The following BLM variants were observed in gnomAD, a reference collection of about 807,000 sequenced individuals.
BLM encodes the protein BLM RecQ like helicase, also known as recQ-like DNA helicase BLM.
A neutral mutation model predicts 135.3 loss-of-function variants in BLM; 95 were observed. The observed-to-expected ratio is 0.70, with a 90% CI of 0.59 to 0.83. BLM has a LOEUF of 0.83. BLM is among the 40% of genes least tolerant of loss of function. The pLI is 0.00. For synonymous variants in BLM, 520 were observed against 589.2 expected, an observed-to-expected ratio of 0.88 and a Z score of 1.70; for missense variants, 1,518 against 1,663.9, an observed-to-expected ratio of 0.91 and a Z score of 1.53.
Position 90,785,063 on chromosome 15 carries a change from T to C in BLM, c.2805T>C (p.Ile935=). The C allele has an allele frequency of 6.2e-7, 1 of 1,614,178 alleles. No individual in the cohort carries two copies. Among genetic ancestry groups the C allele is most frequent in the East Asian group, 2.2e-5 (1 of 44,886 alleles). Residue 935 remains isoleucine, a synonymous_variant, in exon 14 of 22, where the codon ATT becomes ATC. Transcript: ENST00000355112. ...GAGATGAAGTGCAGCAGAAGTGGAT[T>C]AATCAGGATGGCTGTCAGGTAACAT... ...SARDEVQQKW[I]NQDGCQVICA...
intron 1 of BLM, among the ~76,000 whole-genome samples, chr15:90,742,197 TA>T (rs915065347): frequency 4.6e-5 from 7 of 152,132 alleles, no homozygotes; most frequent in Admixed American, 2.6e-4. Context: ...TACCTCAACT[TA>T]AAAAAATACA....
At chr15:90,766,753 T>A (rs1011378822) in intron 9 of BLM, among the ~76,000 whole-genome samples, 157 bp from the exon 10 acceptor site, 4 of 152,232 alleles carry the variant, frequency 2.6e-5, no homozygotes, top group Admixed American at 6.5e-5. Flanking sequence ...AAGGGTTTTT[T>A]AAAATGTATG....
chr15:90,783,782 T>A (rs2151178783), intron 13 of BLM, among the ~76,000 whole-genome samples: 1 of 152,172 alleles, frequency 6.6e-6, no homozygotes, highest in Non-Finnish European at 1.5e-5. Context: ...TTCCAGCTAT[T>A]CTGGAGGCTG....
At chr15:90,779,004 G>C (rs1596247611) in intron 12 of BLM, among the ~76,000 whole-genome samples, 4 of 151,646 alleles carry the variant, frequency 2.6e-5, no homozygotes, top group Non-Finnish European at 2.9e-5. Context: ...TTCTGCCTCA[G>C]CTTCCTGAGT....
chr15:90,784,301 A>G (rs1273270480), intron 13 of BLM, among the ~76,000 whole-genome samples: 1 of 148,604 alleles, frequency 6.7e-6, no homozygotes, highest in Non-Finnish European at 1.5e-5. Context: ...TATGCTTTTG[A>G]CAAAGTTTGT....
intron 12 of BLM, among the ~76,000 whole-genome samples, chr15:90,773,311 TTGAAA>T (rs1896377690): frequency 6.6e-6 from 1 of 151,440 alleles, no homozygotes; most frequent in Admixed American, 6.6e-5. Context: ...TACCAGCTAC[TTGAAA>T]GGCTGAGACA....
chr15:90,765,860 C>G (rs187014629), intron 9 of BLM, among the ~76,000 whole-genome samples: 1 of 152,282 alleles, frequency 6.6e-6, no homozygotes, highest in Admixed American at 6.5e-5. Flanking sequence ...TGCCTGTAAT[C>G]CCAGTGACTT....
At chr15:90,794,617 G>T (rs1177072817) in intron 16 of BLM, among the ~76,000 whole-genome samples, 1 of 151,182 alleles carries the variant, frequency 6.6e-6, no homozygotes, top group Non-Finnish European at 1.5e-5. Context: ...GTGCACTGAT[G>T]ATTACAGAAT....
chr15:90,768,629 G>T (rs149699669), intron 10 of BLM, among the ~76,000 whole-genome samples: 1 of 152,368 alleles, frequency 6.6e-6, no homozygotes, highest in African/African-American at 2.4e-5. Context: ...CTTAATGTTG[G>T]TGAACATTCT....
At chr15:90,799,773 C>T (rs1897122576) in intron 17 of BLM, among the ~76,000 whole-genome samples, 1 of 151,502 alleles carries the variant, frequency 6.6e-6, no homozygotes, top group African/African-American at 2.4e-5. Context: ...CAACAAAAAA[C>T]AGATTAGCAA....
At chr15:90,775,568 G>C (rs1486813524) in intron 12 of BLM, among the ~76,000 whole-genome samples, 1 of 151,528 alleles carries the variant, frequency 6.6e-6, no homozygotes, top group Non-Finnish European at 1.5e-5. Context: ...GCCCAGGCTG[G>C]AGTGCAATGA....
chr15:90,806,784 C>A (rs971458620), intron 19 of BLM, among the ~76,000 whole-genome samples: 3 of 152,194 alleles, frequency 2.0e-5, no homozygotes, highest in Admixed American at 6.5e-5. Context: ...CTTCTCTCTT[C>A]TTCATTCCCT....
chr15:90,781,145 AC>A (rs1194817349), intron 12 of BLM, among the ~76,000 whole-genome samples: 1 of 152,220 alleles, frequency 6.6e-6, no homozygotes, highest in East Asian at 1.9e-4. Flanking sequence ...GAGGAGGAGC[AC>A]ATCTGTCTCA....
intron 12 of BLM, among the ~76,000 whole-genome samples, chr15:90,773,166 TCCCAGCA>T (rs1383582427): frequency 7.1e-6 from 1 of 140,756 alleles, no homozygotes; most frequent in Non-Finnish European, 1.5e-5. Flanking sequence ...ACAGCTGTAA[TCCCAGCA>T]CTTTGGGAGG....
chr15:90,761,623 A>G (rs1391414300), intron 7 of BLM, among the ~76,000 whole-genome samples: 1 of 152,188 alleles, frequency 6.6e-6, no homozygotes, highest in Non-Finnish European at 1.5e-5. Context: ...TGTATTTTAG[A>G]ATTCTGTACT....
intron 12 of BLM, among the ~76,000 whole-genome samples, chr15:90,771,033 A>G (rs1896299365): frequency 6.6e-6 from 1 of 152,246 alleles, no homozygotes; most frequent in Non-Finnish European, 1.5e-5. Context: ...ACCATACTCA[A>G]GTGCAAGGAT....
chr15:90,749,122 C>T (rs941437727), intron 2 of BLM, among the ~76,000 whole-genome samples: 1 of 152,058 alleles, frequency 6.6e-6, no homozygotes, highest in South Asian at 2.1e-4. Context: ...GGACTACTAG[C>T]CTGAGAAATA....
chr15:90,757,896 CT>C (rs373823979), intron 5 of BLM, among the ~76,000 whole-genome samples: 29,547 of 143,822 alleles, frequency 0.21, 3,319 homozygotes, highest in African/African-American at 0.31. Context: ...TTTTTTTCAT[CT>C]TTTTTTTTTT....
intron 1 of BLM, among the ~76,000 whole-genome samples, chr15:90,727,132 A>AG (rs1894939261): frequency 1.3e-5 from 2 of 151,526 alleles, no homozygotes; most frequent in Non-Finnish European, 3.0e-5. Flanking sequence ...AGCTTTCTTA[A>AG]CTGGGGTAGG....
Sources: allele counts gnomAD v4.1 joint callset (sites outside exome capture counted in the v4.1 genomes callset), GRCh38; gene constraint gnomAD v4.1.1; transcripts MANE v1.5; gene names NCBI Gene and HGNC (gene_info 2026-07-23, HGNC 2026-07-21).